The following KHDRBS2 variants were observed in gnomAD, a reference collection of about 807,000 sequenced individuals.
The protein encoded by KHDRBS2 is KH RNA binding domain containing, signal transduction associated 2, also known as KH domain-containing, RNA-binding, signal transduction-associated protein 2.
A neutral mutation model predicts 44.3 loss-of-function variants in KHDRBS2; 26 were observed. The observed-to-expected ratio is 0.59, with a 90% CI of 0.43 to 0.81. The LOEUF (loss-of-function observed/expected upper bound fraction) is 0.81, where lower values mean the gene tolerates loss of function less well. KHDRBS2 is among the 40% of genes least tolerant of loss of function. KHDRBS2 has a pLI of 0.00. For synonymous variants in KHDRBS2, 194 were observed against 151.1 expected (o/e 1.28, Z -2.08); for missense variants, 476 against 433.1 (o/e 1.10, Z -0.88).
chr6:62,034,263 C>T (rs1405039054), intron 3 of KHDRBS2, among the ~76,000 whole-genome samples: 1 of 151,866 alleles, frequency 6.6e-6, no homozygotes, highest in African/African-American at 2.4e-5. Flanking sequence ...AAAGAACTAG[C>T]AGCAATCCTA....
chr6:61,646,898 C>T, the KHDRBS2 span, among the ~76,000 whole-genome samples: 1 of 152,160 alleles, frequency 6.6e-6, no homozygotes, highest in Non-Finnish European at 1.5e-5. Flanking sequence ...TGGCTCACTG[C>T]AACCTCCTCC....
intron 7 of KHDRBS2, among the ~76,000 whole-genome samples, chr6:61,699,994 A>T (rs550181604): frequency 4.6e-5 from 7 of 152,128 alleles, no homozygotes; most frequent in Non-Finnish European, 8.8e-5. Flanking sequence ...GATAAAAATG[A>T]TGCAACCCAA....
intron 6 of KHDRBS2, among the ~76,000 whole-genome samples, chr6:61,777,721 G>A (rs1171677343): frequency 6.6e-6 from 1 of 152,054 alleles, no homozygotes; most frequent in Admixed American, 6.6e-5. Flanking sequence ...TTGGGAAAGA[G>A]CATAAAAACA....
At chr6:62,068,052 T>C (rs770090140) in intron 2 of KHDRBS2, among the ~76,000 whole-genome samples, 4 of 151,594 alleles carry the variant, frequency 2.6e-5, no homozygotes, top group Admixed American at 1.3e-4. Flanking sequence ...TCTCTTATGT[T>C]TAGAAGTGAA....
chr6:62,119,487 C>G (rs889491980), intron 2 of KHDRBS2, among the ~76,000 whole-genome samples: 2 of 152,090 alleles, frequency 1.3e-5, no homozygotes, highest in African/African-American at 4.8e-5. Flanking sequence ...TGTGGGAAAT[C>G]AGACACAAGC....
chr6:61,700,011 G>A (rs1462028665), intron 7 of KHDRBS2, among the ~76,000 whole-genome samples: 1 of 151,972 alleles, frequency 6.6e-6, no homozygotes, highest in African/African-American at 2.4e-5. Flanking sequence ...CCAACTCAGA[G>A]TCCTCATATA....
intron 2 of KHDRBS2, among the ~76,000 whole-genome samples, chr6:62,168,838 A>G (rs1333909028): frequency 1.3e-5 from 2 of 151,834 alleles, no homozygotes; most frequent in Non-Finnish European, 2.9e-5. Flanking sequence ...AGCCAGTACC[A>G]CATTCACACA....
chr6:62,184,947 A>C (rs1228359001), intron 1 of KHDRBS2, among the ~76,000 whole-genome samples: 1 of 151,820 alleles, frequency 6.6e-6, no homozygotes, highest in Non-Finnish European at 1.5e-5. Flanking sequence ...ACTAATGCAA[A>C]ATTTCTTTGA....
chr6:61,644,650 A>T, the KHDRBS2 span, among the ~76,000 whole-genome samples: 1 of 152,216 alleles, frequency 6.6e-6, no homozygotes, highest in Non-Finnish European at 1.5e-5. Context: ...GGCAAAAGAC[A>T]TGAACAGACA....
chr6:61,589,029 C>T, the KHDRBS2 span, among the ~76,000 whole-genome samples: 1 of 151,564 alleles, frequency 6.6e-6, no homozygotes, highest in Non-Finnish European at 1.5e-5. Flanking sequence ...AACACATGGA[C>T]ACAAGGAGGG....
chr6:62,200,187 T>C (rs1826635187), intron 1 of KHDRBS2, among the ~76,000 whole-genome samples: 1 of 152,122 alleles, frequency 6.6e-6, no homozygotes, highest in Admixed American at 6.6e-5. Context: ...AAGGACTTCA[T>C]GTCTAAAATA....
chr6:62,053,735 G>A (rs1457462091), intron 2 of KHDRBS2, among the ~76,000 whole-genome samples: 3 of 151,704 alleles, frequency 2.0e-5, no homozygotes, highest in Admixed American at 6.6e-5. Context: ...CAGCACCAAC[G>A]ACTCAAACAA....
the KHDRBS2 span, among the ~76,000 whole-genome samples, chr6:61,673,873 C>G: frequency 6.8e-6 from 1 of 147,884 alleles, no homozygotes; most frequent in Non-Finnish European, 1.5e-5. Context: ...AGATTCAATG[C>G]CATCCCCATC....
Position 61,885,619 on chromosome 6 carries a change from T to C in KHDRBS2, c.810+9016A>G, listed in dbSNP as rs114148516. On this transcript the variant is annotated intron_variant, in intron 6 of 8. Transcript: ENST00000281156. ...CTAAATAATGCAAACAAAATATTCC[T>C]CTAAACCCAAACTAAATGAATTTCT... 5.2e-3 allele frequency among the ~76,000 whole-genome samples: 789 copies of C among 152,260 alleles called. 2 individuals carry two copies. Among genetic ancestry groups the C allele is most frequent in the African/African-American group, 0.019 (769 of 41,566 alleles).
the KHDRBS2 span, among the ~76,000 whole-genome samples, chr6:61,613,348 T>C: frequency 6.6e-6 from 1 of 152,184 alleles, no homozygotes; most frequent in African/African-American, 2.4e-5. Flanking sequence ...CTACGTGTAA[T>C]ACATAATTTA....
chr6:61,733,624 T>C (rs1270232573), intron 6 of KHDRBS2, among the ~76,000 whole-genome samples: 2 of 151,704 alleles, frequency 1.3e-5, no homozygotes, highest in African/African-American at 2.4e-5. Context: ...AAAGACTTTG[T>C]GTACATTATA....
intron 2 of KHDRBS2, among the ~76,000 whole-genome samples, chr6:62,130,557 A>T (rs1279679572): frequency 6.7e-6 from 1 of 149,844 alleles, no homozygotes; most frequent in Non-Finnish European, 1.5e-5. Flanking sequence ...TTTTATTAAC[A>T]TAATTGTTTT....
the KHDRBS2 span, among the ~76,000 whole-genome samples, chr6:61,556,372 A>AGTGATT: frequency 3.9e-5 from 6 of 152,234 alleles, no homozygotes; most frequent in Non-Finnish European, 8.8e-5. Context: ...ATCTCACCAA[A>AGTGATT]AAATCAATAA....
intron 8 of KHDRBS2, among the ~76,000 whole-genome samples, chr6:61,689,340 A>G (rs1767135132): frequency 6.6e-6 from 1 of 151,974 alleles, no homozygotes; most frequent in Non-Finnish European, 1.5e-5. Flanking sequence ...GTTCTGAAAA[A>G]TTATTAAACT....
Sources: gnomAD v4.1 joint callset for allele counts (sites outside exome capture counted in the v4.1 genomes callset) on GRCh38, gnomAD v4.1.1 for gene constraint, MANE v1.5 for transcripts, NCBI Gene and HGNC (gene_info 2026-07-23, HGNC 2026-07-21) for gene names.